Variants in ACYP2 observed in about 807,000 individuals in gnomAD.
The protein encoded by ACYP2 is acylphosphatase-2.
In ACYP2, 12 loss-of-function variants were observed where a neutral mutation model predicts 11.2. That is an observed-to-expected ratio of 1.08 (90% CI 0.69 to 1.74). The LOEUF is 1.74. Among genes scored for constraint, ACYP2 ranks in the 40% most tolerant of loss-of-function variants. The probability of loss-of-function intolerance (pLI) is 0.00; values close to 1 mark genes in which losing one functional copy is unlikely to be tolerated. For synonymous variants in ACYP2, 43 were observed against 32.2 expected (o/e 1.33, Z -1.13); for missense variants, 134 against 101.9 (o/e 1.31, Z -1.35).
intron 4 of ACYP2, among the ~76,000 whole-genome samples, chr2:54,061,467 C>G (rs979467399): frequency 6.6e-6 from 1 of 152,260 alleles, no homozygotes; most frequent in African/African-American, 2.4e-5. Flanking sequence ...GACTCCTGAA[C>G]AGAGACTAAA....
At chr2:54,264,958 T>C (rs1452135063) in intron 6 of ACYP2, among the ~76,000 whole-genome samples, 3 of 152,226 alleles carry the variant, frequency 2.0e-5, no homozygotes, top group Non-Finnish European at 2.9e-5. Context: ...CCAACTTACC[T>C]TCACAAAGTT....
intron 4 of ACYP2, among the ~76,000 whole-genome samples, chr2:54,110,844 G>A (rs558666869): frequency 1.1e-4 from 16 of 152,094 alleles, no homozygotes; most frequent in East Asian, 1.9e-4. Context: ...AGAAAGACAC[G>A]TTGACCGATA....
intron 6 of ACYP2, among the ~76,000 whole-genome samples, chr2:54,139,256 G>A (rs1468106821): frequency 2.6e-5 from 4 of 152,176 alleles, no homozygotes; most frequent in African/African-American, 7.2e-5. Context: ...GCCTTAGGAT[G>A]GTTCGTGAAG....
At chr2:54,043,106 T>C (rs1175418156) in intron 2 of ACYP2, among the ~76,000 whole-genome samples, 2 of 152,000 alleles carry the variant, frequency 1.3e-5, no homozygotes, top group Non-Finnish European at 2.9e-5. Flanking sequence ...TGTCTGCTAT[T>C]TTAAAACTAG....
intron 2 of ACYP2, among the ~76,000 whole-genome samples, chr2:54,044,973 T>C (rs972889591): frequency 6.6e-6 from 1 of 152,238 alleles, no homozygotes; most frequent in Non-Finnish European, 1.5e-5. Context: ...CTCATCGTCA[T>C]TTAGTGCCTG....
intron 6 of ACYP2, among the ~76,000 whole-genome samples, chr2:54,185,432 T>C (rs1473594467): frequency 1.3e-5 from 2 of 152,342 alleles, no homozygotes; most frequent in Non-Finnish European, 2.9e-5. Context: ...TGAGGGCCAT[T>C]GTTTTGGGAA....
intron 3 of ACYP2, among the ~76,000 whole-genome samples, chr2:54,052,419 T>A (rs1675917546): frequency 6.6e-6 from 1 of 152,120 alleles, no homozygotes; most frequent in South Asian, 2.1e-4. Context: ...GGTTGTAAAT[T>A]GGCATGGAAA....
At chr2:54,065,441 G>A (rs1029441503) in intron 4 of ACYP2, 2 of 398,542 alleles carry the variant, frequency 5.0e-6, no homozygotes, top group Non-Finnish European at 8.8e-6. Context: ...ATGACCAATT[G>A]TATGTACATT....
rs538305717 is a variant in ACYP2, at chr2:54,029,452, T to G, written c.63-21506T>G. ...ATACACACATATGTATATATGTATA[T>G]GTACACACACATATATGTGTATATA... On this transcript the variant is annotated intron_variant, in intron 2 of 6. Transcript: ENST00000607452. 4.2e-5 allele frequency: 12 copies of G among 284,024 alleles called. No homozygotes were observed. In the South Asian group the frequency reaches 4.8e-4, roughly 11 times the overall value. 17.6% of individuals were successfully genotyped at this position (284,024 alleles called of 1,614,324 possible). A position where few individuals can be genotyped will look rare whatever the true frequency, so the allele number is the denominator to read the frequency against.
intron 4 of ACYP2, among the ~76,000 whole-genome samples, chr2:54,114,974 G>C (rs1221436240): frequency 6.6e-6 from 1 of 151,792 alleles, no homozygotes; most frequent in Admixed American, 6.6e-5. Context: ...AAACACGCAG[G>C]CCCTTGATTT....
chr2:54,128,318 A>G (rs1303818378), intron 4 of ACYP2, among the ~76,000 whole-genome samples: 1 of 152,206 alleles, frequency 6.6e-6, no homozygotes, highest in African/African-American at 2.4e-5. Context: ...TCACTGGAGG[A>G]ACCTCTGTAT....
At chr2:54,265,415 C>T (rs1427147316) in intron 6 of ACYP2, among the ~76,000 whole-genome samples, 1 of 152,164 alleles carries the variant, frequency 6.6e-6, no homozygotes, top group Non-Finnish European at 1.5e-5. Context: ...AGTGATCTCC[C>T]ACCAGGTTCC....
intron 2 of ACYP2, among the ~76,000 whole-genome samples, chr2:54,034,925 G>A (rs1185960394): frequency 2.0e-5 from 3 of 149,388 alleles, no homozygotes; most frequent in Non-Finnish European, 4.4e-5. Context: ...CAGGAGAATC[G>A]CTTGAACCTG....
At chr2:54,197,917 A>T (rs1376269425) in intron 6 of ACYP2, among the ~76,000 whole-genome samples, 11 of 110,080 alleles carry the variant, frequency 1.0e-4, no homozygotes, top group East Asian at 3.3e-4. Context: ...TTATTTTATT[A>T]TTTTATTTTA....
intron 2 of ACYP2, among the ~76,000 whole-genome samples, chr2:54,010,751 T>C (rs1673320155): frequency 7.0e-6 from 1 of 142,140 alleles, no homozygotes; most frequent in Admixed American, 7.1e-5. Flanking sequence ...TTTTTTTTTT[T>C]TTTTTTTTTT....
chr2:54,023,329 A>T (rs1346612797), intron 2 of ACYP2, among the ~76,000 whole-genome samples: 1 of 151,946 alleles, frequency 6.6e-6, no homozygotes, highest in South Asian at 2.1e-4. Flanking sequence ...TGTCACACTA[A>T]TTTTTTTTAA....
intron 6 of ACYP2, among the ~76,000 whole-genome samples, chr2:54,178,492 A>G (rs1321310955): frequency 6.6e-6 from 1 of 152,210 alleles, no homozygotes; most frequent in Non-Finnish European, 1.5e-5. Flanking sequence ...AAGCAAGGCT[A>G]TGCCCCAATC....
chr2:53,987,036 C>T (rs985403588), intron 2 of ACYP2, among the ~76,000 whole-genome samples: 3 of 152,100 alleles, frequency 2.0e-5, no homozygotes, highest in Admixed American at 6.6e-5. Flanking sequence ...ATACATGCAA[C>T]AATATGGATG....
At chr2:54,233,975 G>A (rs1405092108) in intron 6 of ACYP2, among the ~76,000 whole-genome samples, 1 of 152,178 alleles carries the variant, frequency 6.6e-6, no homozygotes, top group Non-Finnish European at 1.5e-5. Context: ...TGTCAGTGCA[G>A]TCTTTTTCAC....
Sources: gnomAD v4.1 joint callset for allele counts (sites outside exome capture counted in the v4.1 genomes callset) on GRCh38, gnomAD v4.1.1 for gene constraint, MANE v1.5 for transcripts, NCBI Gene and HGNC (gene_info 2026-07-23, HGNC 2026-07-21) for gene names.